The following TEX13C variants were observed in gnomAD, a reference collection of about 807,000 sequenced individuals.
TEX13C encodes the protein TEX13 family member C, also known as testis-expressed protein 13C.
For synonymous variants in TEX13C, 219 were observed against 116.6 expected, an observed-to-expected ratio of 1.88 and a Z score of -5.65; for missense variants, 480 against 298.7, an observed-to-expected ratio of 1.61 and a Z score of -4.47.
chrX:125,321,602 GT>G lies in TEX13C; in HGVS notation c.1484del (p.Val495AlafsTer11). The stretch of plus-strand genomic sequence containing the variant: ...AGTGCCAATGATGCCCAAGGAGATG[GT>G]CCCCCTGGGGGAAAGCCACAGCCAC... On this transcript the variant is annotated frameshift_variant, in exon 1 of 1. Coordinates refer to ENST00000632600, the Ensembl canonical transcript of TEX13C. LOFTEE classifies it low-confidence loss of function (END_TRUNC). 2.0e-6 allele frequency: 1 copy of G among 512,183 alleles called. No homozygotes were observed. Among genetic ancestry groups the G allele is most frequent in the Non-Finnish European group, 3.5e-6 (1 of 286,073 alleles). The allele number at this position is 512,183 out of a possible 1,213,427, so 42.2% of individuals were successfully genotyped here.
In TEX13C at chrX:125,322,298, A is replaced by T. The variant is rs1220023562; in HGVS notation, c.2179A>T (p.Met727Leu). ...GGTGCCCCAGGGCACAGCTCCCCTG[A>T]TGTTTAGCAGGAGACACAGCCTGAA... Residue 727 changes from methionine (M) to leucine (L), a missense_variant, in exon 1 of 1, where the codon ATG becomes TTG. Met to Leu is a conservative substitution (Grantham distance 15). Transcript: ENST00000632600. 2.6e-5 allele frequency: 12 copies of T among 452,891 alleles called. No individual in the cohort carries two copies. The Admixed American group carries it at 3.6e-4, about 13-fold the overall frequency. The allele number at this position is 452,891 out of a possible 1,213,427, so 37.3% of individuals were successfully genotyped here.
At chrX:125,323,626 C>T (rs1273699000) in exon 1 of TEX13C, 2 of 111,431 alleles carry the variant, frequency 1.8e-5, no homozygotes, top group Non-Finnish European at 3.8e-5. Flanking sequence ...AGAAACACTG[C>T]TTTTCCTTGC....
exon 1 of TEX13C, chrX:125,323,214 A>C: frequency 2.4e-6 from 1 of 423,995 alleles, no homozygotes; most frequent in Non-Finnish European, 4.1e-6. Context: ...AAAATTTGAA[A>C]CCAAAATTGT....
At chrX:125,320,114 G>A (rs1048689597), upstream of TEX13C, 4 of 467,582 alleles carry the variant, frequency 8.6e-6, no homozygotes, top group Middle Eastern at 6.7e-4. Flanking sequence ...CTAGGCCGCA[G>A]CCGCCATGGC....
At chrX:125,321,697 G>A in exon 1 of TEX13C, 2 of 501,207 alleles carry the variant, frequency 4.0e-6, no homozygotes, top group East Asian at 7.2e-5. Context: ...GTCACAGGAT[G>A]AAGAAAGATC....
chrX:125,322,606 G>A (rs2018858773), exon 1 of TEX13C: 1 of 510,987 alleles, frequency 2.0e-6, no homozygotes, highest in Non-Finnish European at 3.5e-6. Context: ...TGGTCCCCCT[G>A]GGGGACAGCA....
chrX:125,322,123 C>T, exon 1 of TEX13C: 1 of 492,818 alleles, frequency 2.0e-6, no homozygotes, highest in Non-Finnish European at 3.6e-6. Flanking sequence ...ACAGCAACAG[C>T]CATAGCCTGA....
At chrX:125,324,213 C>A (rs2018872224) in exon 1 of TEX13C, 1 of 110,927 alleles carries the variant, frequency 9.0e-6, no homozygotes, top group Non-Finnish European at 1.9e-5. Flanking sequence ...ACAGCATAAT[C>A]TTTTATTGTG....
At chrX:125,320,537 G>A (rs1272761238) in exon 1 of TEX13C, 1 of 516,017 alleles carries the variant, frequency 1.9e-6, no homozygotes, top group Admixed American at 2.6e-5. Context: ...GAATGAGCGT[G>A]ATGGGTTATG....
exon 1 of TEX13C, chrX:125,323,221 T>C: frequency 2.4e-6 from 1 of 423,934 alleles, no homozygotes; most frequent in South Asian, 4.1e-5. Context: ...GAAACCAAAA[T>C]TGTAGAGAAA....
chrX:125,319,895 G>C (rs905867390), upstream of TEX13C, among the ~76,000 whole-genome samples: 5 of 112,227 alleles, frequency 4.5e-5, no homozygotes, highest in Non-Finnish European at 5.6e-5. Context: ...CGGAGTTGCC[G>C]ATAGGGTTCG....
exon 1 of TEX13C, chrX:125,320,268 TTCG>T: frequency 1.9e-6 from 1 of 515,990 alleles, no homozygotes; most frequent in Non-Finnish European, 3.5e-6. Context: ...GAGGACCGGC[TTCG>T]GGCCATTGTG....
exon 1 of TEX13C, chrX:125,325,059 A>G (rs1178954991): frequency 8.9e-6 from 1 of 112,050 alleles, no homozygotes; most frequent in African/African-American, 3.2e-5. Flanking sequence ...GCAAGGAAGG[A>G]GCCAGGGTGG....
rs772595058 is a variant in TEX13C at position 125,321,148 on chromosome X, G to A, written c.1029G>A (p.Met343Ile). ...ACAGCCTGAAGAAAGATCCAGTGATGCAAGAGGGCACAGCTCCCCCAGAGT... is the reference window on the plus strand; with the variant it reads ...ACAGCCTGAAGAAAGATCCAGTGATACAAGAGGGCACAGCTCCCCCAGAGT... Residue 343 changes from methionine (M) to isoleucine (I), a missense_variant, in exon 1 of 1, where the codon ATG (methionine) becomes ATA (isoleucine). Met to Ile is a conservative substitution (Grantham distance 10). Coordinates refer to ENST00000632600, the Ensembl canonical transcript of TEX13C. 1.8e-5 allele frequency: 9 copies of A among 514,248 alleles called. No individual in the cohort carries two copies. The South Asian group carries it at 2.0e-4, about 11-fold the overall frequency. 42.4% of individuals were successfully genotyped at this position (514,248 alleles called of 1,213,427 possible). A position where few individuals can be genotyped will look rare whatever the true frequency, so the allele number is the denominator to read the frequency against.
chrX:125,321,893 G>A, exon 1 of TEX13C: 1 of 513,341 alleles, frequency 1.9e-6, no homozygotes, highest in Non-Finnish European at 3.5e-6. Flanking sequence ...TCTGAAGAAA[G>A]ATCCAATGAT....
At chrX:125,319,957 G>A (rs2018818120), upstream of TEX13C, among the ~76,000 whole-genome samples, 1 of 112,504 alleles carries the variant, frequency 8.9e-6, no homozygotes, top group African/African-American at 3.2e-5. Context: ...GAGTGAGGGA[G>A]GAAGGAGGCC....
exon 1 of TEX13C, chrX:125,321,364 C>G (rs1046703376): frequency 3.9e-6 from 2 of 514,287 alleles, no homozygotes; most frequent in African/African-American, 2.3e-5. Context: ...CCCTGGGGGA[C>G]AGCAACAGCC....
At chrX:125,322,282 GGGC>G (rs2018853310) in exon 1 of TEX13C, 1 of 487,625 alleles carries the variant, frequency 2.1e-6, no homozygotes, top group African/African-American at 3.0e-5. Flanking sequence ...TGGTGCCCCA[GGGC>G]ACAGCTCCCC....
At chrX:125,321,413 G>T in exon 1 of TEX13C, 1 of 509,032 alleles carries the variant, frequency 2.0e-6, no homozygotes, top group Non-Finnish European at 3.5e-6. Context: ...CCAGAAGATG[G>T]TCCCCCTGGG....
Sources: allele counts gnomAD v4.1 joint callset (sites outside exome capture counted in the v4.1 genomes callset), GRCh38; gene constraint gnomAD v4.1.1; transcripts MANE v1.5; gene names NCBI Gene and HGNC (gene_info 2026-07-23, HGNC 2026-07-21).